Variants in BFSP1 observed in about 807,000 individuals in gnomAD.
BFSP1 encodes filensin.
BFSP1 carries 38 observed loss-of-function variants against 43.9 expected under a neutral mutation model. That is an observed-to-expected ratio of 0.87 (90% CI 0.67 to 1.14). The LOEUF (loss-of-function observed/expected upper bound fraction) is 1.14, where lower values mean the gene tolerates loss of function less well. Among genes scored for constraint, BFSP1 ranks in the 50% most tolerant of loss-of-function variants. BFSP1 has a pLI of 0.00. For synonymous variants in BFSP1, 352 were observed against 354.8 expected, an observed-to-expected ratio of 0.99 and a Z score of 0.09; for missense variants, 850 against 875.1, an observed-to-expected ratio of 0.97 and a Z score of 0.36.
intron 1 of BFSP1, among the ~76,000 whole-genome samples, chr20:17,557,749 A>AGT (rs1231894901): frequency 6.6e-6 from 1 of 152,080 alleles, no homozygotes; most frequent in Non-Finnish European, 1.5e-5. Context: ...TCGTGGTTCC[A>AGT]GTGTGTGTGT....
intron 7 of BFSP1, 114 bp downstream of exon 7, chr20:17,496,824 G>A: frequency 2.1e-6 from 2 of 947,002 alleles, no homozygotes; most frequent in Non-Finnish European, 3.0e-6. Context: ...TCACATAAAA[G>A]CATTTAATTT....
intron 1 of BFSP1, among the ~76,000 whole-genome samples, chr20:17,556,000 AC>A (rs1234506863): frequency 6.6e-6 from 1 of 152,166 alleles, no homozygotes; most frequent in Admixed American, 6.5e-5. Context: ...CAAGCAATAG[AC>A]CCATGTTGGT....
chr20:17,555,537 C>T (rs1318577053), intron 1 of BFSP1, among the ~76,000 whole-genome samples: 1 of 152,050 alleles, frequency 6.6e-6, no homozygotes, highest in East Asian at 1.9e-4. Flanking sequence ...CCAGTAATCC[C>T]AGATACTTGG....
upstream of BFSP1, among the ~76,000 whole-genome samples, chr20:17,561,524 C>T (rs6131970): frequency 6.1e-3 from 931 of 152,070 alleles, 24 homozygotes; most frequent in East Asian, 0.079. Context: ...AAGAATGTAT[C>T]ATGCTTATGA....
intron 1 of BFSP1, among the ~76,000 whole-genome samples, chr20:17,526,682 C>T (rs2123523619): frequency 6.6e-6 from 1 of 152,278 alleles, no homozygotes; most frequent in East Asian, 1.9e-4. Flanking sequence ...GGTATATGCA[C>T]AGAAATGGAA....
intron 1 of BFSP1, among the ~76,000 whole-genome samples, chr20:17,568,154 A>G (rs6131971): frequency 0.016 from 2,461 of 152,194 alleles, 53 homozygotes; most frequent in East Asian, 0.078. Context: ...TATGGGAGAT[A>G]GGGCAGAAAA....
At chr20:17,510,059 G>A (rs1271921773) in intron 4 of BFSP1, among the ~76,000 whole-genome samples, 3 of 152,240 alleles carry the variant, frequency 2.0e-5, no homozygotes, top group African/African-American at 7.2e-5. Flanking sequence ...ATACAGGAAA[G>A]TGACCGTCTA....
intron 1 of BFSP1, among the ~76,000 whole-genome samples, chr20:17,552,001 G>T (rs544062001): frequency 6.6e-6 from 1 of 152,148 alleles, no homozygotes; most frequent in East Asian, 1.9e-4. Flanking sequence ...GAAAAAAAAA[G>T]AAGAAAATAA....
rs955300290 is a variant in BFSP1, at chr20:17,508,959, C to T, written c.665G>A (p.Arg222Gln). The T allele has an allele frequency of 3.7e-6, 6 of 1,602,586 alleles. No individual in the cohort carries two copies. The highest frequency in any genetic ancestry group is 1.3e-5 in the African/African-American group (1 of 74,606). Residue 222 changes from arginine (R) to glutamine (Q), a missense_variant, in exon 5 of 8, where the codon CGG (arginine) becomes CAG (glutamine). Physicochemically the swap from Arg to Gln is conservative, Grantham distance 43 (BLOSUM62 1). Coordinates refer to ENST00000377873, the MANE Select transcript of BFSP1 (RefSeq NM_001195.5). ...CTCCCGGCCCTCCTCCAGCTGACTC[C>T]GCAGGGCGGCCACCTCCCGCTCCGT... Reference protein sequence around the residue: ...LLTEREVAALRSQLEEGREVL... With the variant: ...LLTEREVAALQSQLEEGREVL...
At chr20:17,520,044 A>G (rs1205806648) in intron 2 of BFSP1, among the ~76,000 whole-genome samples, 2 of 152,138 alleles carry the variant, frequency 1.3e-5, no homozygotes, top group Non-Finnish European at 2.9e-5. Flanking sequence ...AAACATTCCA[A>G]CTCTGATAAT....
chr20:17,541,343 T>C (rs747748288), intron 1 of BFSP1: 15 of 827,840 alleles, frequency 1.8e-5, no homozygotes, highest in Admixed American at 6.2e-5. Flanking sequence ...TTACAAGGGA[T>C]CTTACCAGCA....
rs185087834 is a variant in BFSP1, at chr20:17,553,974, A to G, written c.2+4714T>C. ...TTTGGCACAAAGATAATTAAACTAC[A>G]GTTGCAGATGGCATATTTTTAGCAT... On this transcript the variant is annotated intron_variant, in intron 1 of 7. Transcript: ENST00000377868. Among the ~76,000 whole-genome samples, 600 of 150,650 alleles carry G rather than the reference A, an allele frequency of 4.0e-3. 4 individuals carry two copies. Among genetic ancestry groups the G allele is most frequent in the African/African-American group, 0.014 (572 of 41,102 alleles).
At chr20:17,515,112 G>C (rs748684113) in intron 2 of BFSP1, among the ~76,000 whole-genome samples, 16 of 152,176 alleles carry the variant, frequency 1.1e-4, no homozygotes, top group Non-Finnish European at 1.2e-4. Flanking sequence ...CCTTCTATTG[G>C]CAACTAGTGG....
At chr20:17,508,617 C>T (rs531541800) in intron 5 of BFSP1, among the ~76,000 whole-genome samples, 4 of 152,254 alleles carry the variant, frequency 2.6e-5, no homozygotes, top group African/African-American at 4.8e-5. Flanking sequence ...GGGCATGACT[C>T]GAAGGAGTCC....
chr20:17,553,835 A>ACATATATT, intron 1 of BFSP1, among the ~76,000 whole-genome samples: 1 of 90,802 alleles, frequency 1.1e-5, no homozygotes, highest in Non-Finnish European at 2.0e-5. Flanking sequence ...ATATATATAT[A>ACATATATT]TACACATATA....
chr20:17,499,090 G>C (rs756774998), intron 5 of BFSP1, 50 bp from the exon 6 acceptor site: 2 of 1,541,222 alleles, frequency 1.3e-6, no homozygotes, highest in Non-Finnish European at 1.8e-6. Flanking sequence ...TCTTCTCTAA[G>C]AGACAGACCT....
At chr20:17,551,895 G>T (rs1445420974) in intron 1 of BFSP1, among the ~76,000 whole-genome samples, 1 of 152,008 alleles carries the variant, frequency 6.6e-6, no homozygotes, top group Non-Finnish European at 1.5e-5. Flanking sequence ...TGAGGCAGGA[G>T]AATTGTTTGA....
chr20:17,504,660 C>T (rs1417002795), intron 5 of BFSP1, among the ~76,000 whole-genome samples: 1 of 152,186 alleles, frequency 6.6e-6, no homozygotes. Context: ...GGTCAGGAGA[C>T]GAAGAGAAGA....
intron 1 of BFSP1, among the ~76,000 whole-genome samples, chr20:17,527,891 A>ACT (rs2034456395): frequency 6.6e-6 from 1 of 151,958 alleles, no homozygotes; most frequent in African/African-American, 2.4e-5. Context: ...TGAATAATTG[A>ACT]CTCTGTTGTT....
Sources: allele counts gnomAD v4.1 joint callset (sites outside exome capture counted in the v4.1 genomes callset), GRCh38; gene constraint gnomAD v4.1.1; transcripts MANE v1.5; gene names NCBI Gene and HGNC (gene_info 2026-07-23, HGNC 2026-07-21).